Variants in ODR4 observed in about 807,000 individuals in gnomAD.
ODR4 encodes protein odr-4 homolog.
Under a neutral mutation model 60.2 loss-of-function variants are expected in ODR4, and 47 were observed. That is an observed-to-expected ratio of 0.78 (90% CI 0.62 to 1.00). ODR4 has a LOEUF of 1.00. ODR4 is among the 50% of genes least tolerant of loss of function. ODR4 has a pLI of 0.00. For synonymous variants in ODR4, 178 were observed against 175.5 expected (o/e 1.01, Z -0.11); for missense variants, 488 against 530.8 (o/e 0.92, Z 0.79).
At position 186,419,125 on chromosome 1, in the gene ODR4, A is replaced by C. The variant is rs747890302; in HGVS notation, c.*49A>C. 6.9e-7 allele frequency: 1 copy of C among 1,441,512 alleles called. No individual in the cohort carries two copies. Among genetic ancestry groups the C allele is most frequent in the Non-Finnish European group, 9.6e-7 (1 of 1,036,330 alleles). The allele number at this position is 1,441,512 out of a possible 1,614,324, so 89.3% of individuals were successfully genotyped here. ...ATCATCCAGAGAACATTGACAGACA[A>C]TTATGAATAATAAAGATGTTAACAA... On this transcript the variant is annotated 3_prime_UTR_variant, in exon 14 of 14. Transcript: ENST00000287859.
chr1:186,402,187 A>ATTCATTCT (rs1553236963), intron 11 of ODR4, among the ~76,000 whole-genome samples: 1 of 135,424 alleles, frequency 7.4e-6, no homozygotes, highest in East Asian at 2.3e-4. Context: ...TAGGCATCCT[A>ATTCATTCT]TTCTTTCTTT....
Position 186,419,785 on chromosome 1 carries a change from A to G in ODR4, c.*709A>G, listed in dbSNP as rs1038543752. The G allele has an allele frequency of 1.3e-5, 2 of 152,164 alleles. No individual in the cohort carries two copies. Among genetic ancestry groups the G allele is most frequent in the African/African-American group, 2.4e-5 (1 of 41,436 alleles). The allele number at this position is 152,164 out of a possible 1,614,324, so 9.4% of individuals were successfully genotyped here. A position where few individuals can be genotyped will look rare whatever the true frequency, so the allele number is the denominator to read the frequency against. On this transcript the variant is annotated 3_prime_UTR_variant, in exon 14 of 14. Coordinates refer to ENST00000287859, the MANE Select transcript of ODR4 (RefSeq NM_017847.6). Reference sequence around the variant, plus strand: ...TGAATGTTGATGTAACATCTTAATAATAGAGCACCAGAAAAATTTCTACCA... The same window carrying G: ...TGAATGTTGATGTAACATCTTAATAGTAGAGCACCAGAAAAATTTCTACCA...
chr1:186,400,947 T>C (rs1331009157), intron 11 of ODR4: 4 of 1,253,236 alleles, frequency 3.2e-6, no homozygotes, highest in Admixed American at 2.2e-5. Flanking sequence ...GCAATTTGAC[T>C]TTGAGTTTGT....
At chr1:186,412,726 T>G (rs1202633227) in intron 12 of ODR4, among the ~76,000 whole-genome samples, 1 of 152,082 alleles carries the variant, frequency 6.6e-6, no homozygotes. Flanking sequence ...AGTCCAGGCC[T>G]GCCACTTAAA....
In ODR4 at chr1:186,420,370, A is replaced by T. The variant is rs1437443432; in HGVS notation, c.*1294A>T. 1 of 152,236 alleles carries T rather than the reference A, an allele frequency of 6.6e-6. No homozygotes were observed. Among genetic ancestry groups the T allele is most frequent in the African/African-American group, 2.4e-5 (1 of 41,462 alleles). 9.4% of individuals were successfully genotyped at this position (152,236 alleles called of 1,614,324 possible). A position where few individuals can be genotyped will look rare whatever the true frequency, so the allele number is the denominator to read the frequency against. ...TGCTCTAGCTCCTGGCAGAAGCAAG[A>T]GGGAAACATTCCTAATTTAGTTCCA... On this transcript the variant is annotated 3_prime_UTR_variant, in exon 14 of 14. Transcript: ENST00000287859.
chr1:186,418,289 CTTTTTTTT>C (rs35821609), intron 13 of ODR4, among the ~76,000 whole-genome samples: 2 of 110,384 alleles, frequency 1.8e-5, no homozygotes, highest in African/African-American at 6.8e-5. Flanking sequence ...TTCTTTCTTT[CTTTTTTTT>C]TTTTTTTTTT....
At chr1:186,390,581 G>A in intron 6 of ODR4, 130 bp from the exon 7 acceptor site, 1 of 898,686 alleles carries the variant, frequency 1.1e-6, no homozygotes, top group Non-Finnish European at 1.7e-6. Context: ...TTTTGATCAA[G>A]GGTTTAGCCA....
chr1:186,421,745 T>C (rs534272306), downstream of ODR4, among the ~76,000 whole-genome samples: 4 of 151,812 alleles, frequency 2.6e-5, no homozygotes, highest in East Asian at 7.7e-4. Context: ...GCGCCTGTAA[T>C]CCTAGCTACT....
the ODR4 span, among the ~76,000 whole-genome samples, chr1:186,432,725 T>G: frequency 6.6e-6 from 1 of 152,124 alleles, no homozygotes; most frequent in African/African-American, 2.4e-5. Context: ...AAAATTTTTT[T>G]AATGTTGTTT....
chr1:186,406,856 A>G (rs1661194228), intron 12 of ODR4, among the ~76,000 whole-genome samples: 1 of 151,880 alleles, frequency 6.6e-6, no homozygotes, highest in African/African-American at 2.4e-5. Flanking sequence ...ACTTTGGAAG[A>G]CTGTTTGGGT....
the ODR4 span, among the ~76,000 whole-genome samples, chr1:186,429,798 C>G: frequency 6.6e-6 from 1 of 151,978 alleles, no homozygotes; most frequent in Non-Finnish European, 1.5e-5. Flanking sequence ...TAATAAATAC[C>G]TGGTAAGTTG....
chr1:186,382,462 AAAAAC>A lies in ODR4; in HGVS notation c.100-545_100-541del, dbSNP rs1334992876. Among the ~76,000 whole-genome samples, 5 of 152,132 alleles carry A rather than the reference AAAAAC, an allele frequency of 3.3e-5. No individual in the cohort carries two copies. The South Asian group carries it at 6.2e-4, about 19-fold the overall frequency. On this transcript the variant is annotated intron_variant, in intron 2 of 13. Transcript: ENST00000287859. ...TAAATACACACACACACAAAGAACA[AAAAAC>A]AAAACAAAACAAAAAACTTGAGGAA...
chr1:186,415,142 TTAAA>T, intron 12 of ODR4, among the ~76,000 whole-genome samples: 1 of 152,218 alleles, frequency 6.6e-6, no homozygotes, highest in Non-Finnish European at 1.5e-5. Flanking sequence ...AGTATTTTAG[TTAAA>T]TGCTAGAAGA....
intron 9 of ODR4, 138 bp downstream of exon 9, chr1:186,394,153 G>T: frequency 3.5e-6 from 2 of 563,854 alleles, no homozygotes; most frequent in Admixed American, 3.7e-5. Context: ...GTTATAGGAA[G>T]GTTATTCCCA....
At chr1:186,404,030 A>G (rs1661083494) in intron 11 of ODR4, among the ~76,000 whole-genome samples, 1 of 152,222 alleles carries the variant, frequency 6.6e-6, no homozygotes, top group African/African-American at 2.4e-5. Context: ...CTAAAAAAAA[A>G]TTCTATGAAA....
At chr1:186,398,747 T>A (rs1212674233) in intron 10 of ODR4, among the ~76,000 whole-genome samples, 2 of 152,218 alleles carry the variant, frequency 1.3e-5, no homozygotes, top group East Asian at 3.8e-4. Flanking sequence ...CATTTATCTG[T>A]TTTTAACTAT....
intron 1 of ODR4, among the ~76,000 whole-genome samples, chr1:186,377,594 G>C (rs1206145911): frequency 1.3e-5 from 2 of 152,186 alleles, no homozygotes. Context: ...ATATGATATA[G>C]AGGAAAGTAG....
intron 1 of ODR4, among the ~76,000 whole-genome samples, 168 bp downstream of exon 1, chr1:186,376,142 T>G (rs1405626745): frequency 2.0e-5 from 3 of 151,916 alleles, no homozygotes; most frequent in African/African-American, 7.3e-5. Flanking sequence ...TTTTTGGTGG[T>G]GGGGAGGTGG....
At chr1:186,389,394 TTGTA>T (rs1660369957) in intron 5 of ODR4, among the ~76,000 whole-genome samples, 190 bp from the exon 6 acceptor site, 3 of 152,272 alleles carry the variant, frequency 2.0e-5, no homozygotes, top group Admixed American at 6.5e-5. Flanking sequence ...TGATAGCAGT[TTGTA>T]TGTATGATTA....
Sources: gnomAD v4.1 joint callset for allele counts (sites outside exome capture counted in the v4.1 genomes callset) on GRCh38, gnomAD v4.1.1 for gene constraint, MANE v1.5 for transcripts, NCBI Gene and HGNC (gene_info 2026-07-23, HGNC 2026-07-21) for gene names.